Variants in CLDN10 observed in about 807,000 individuals in gnomAD.
The protein encoded by CLDN10 is claudin-10.
CLDN10 carries 15 observed loss-of-function variants against 22.9 expected under a neutral mutation model. That is an observed-to-expected ratio of 0.65 (90% CI 0.44 to 1.01). The LOEUF is 1.01. Among genes scored for constraint, CLDN10 ranks in the 50% least tolerant of loss-of-function variants. CLDN10 has a pLI of 0.00. For synonymous variants in CLDN10, 114 were observed against 111.4 expected (o/e 1.02, Z -0.15); for missense variants, 247 against 287.8 (o/e 0.86, Z 1.03).
intron 1 of CLDN10, chr13:95,434,110 A>G (rs2042239885): frequency 2.8e-6 from 4 of 1,432,282 alleles, no homozygotes; most frequent in South Asian, 2.4e-5. Context: ...ACTGTGCTGA[A>G]GTAGCTGTCT....
chr13:95,479,248 C>T (rs1482063984), intron 1 of CLDN10, among the ~76,000 whole-genome samples: 2 of 151,964 alleles, frequency 1.3e-5, no homozygotes, highest in African/African-American at 4.8e-5. Context: ...ACTTGGGAGG[C>T]TGAGGCAGGG....
At chr13:95,504,908 A>G (rs1391629235) in intron 1 of CLDN10, among the ~76,000 whole-genome samples, 1 of 152,136 alleles carries the variant, frequency 6.6e-6, no homozygotes, top group Non-Finnish European at 1.5e-5. Context: ...TACACTGGAA[A>G]TTCTCACTAA....
rs2138693847 is a variant in CLDN10, at chr13:95,577,355, A to G, written c.572+17A>G. ...AACACCCAGGTATGAAAAAGAGACA[A>G]AAATGACCTGTTAAAAAGTAGAATG... On this transcript the variant is annotated intron_variant, in intron 4 of 4. Transcript: ENST00000299339. 1.4e-6 allele frequency: 2 copies of G among 1,474,218 alleles called. No individual in the cohort carries two copies. The highest frequency in any genetic ancestry group is 1.9e-6 in the Non-Finnish European group (2 of 1,052,508). 91.3% of individuals were successfully genotyped at this position (1,474,218 alleles called of 1,614,324 possible).
chr13:95,539,114 G>C (rs2043433257), intron 1 of CLDN10, among the ~76,000 whole-genome samples: 1 of 152,046 alleles, frequency 6.6e-6, no homozygotes, highest in Non-Finnish European at 1.5e-5. Flanking sequence ...CCCGACCTCA[G>C]GTGATCCACC....
chr13:95,448,719 G>GTATTGTATTTTATTTTATTTTATTT lies in CLDN10; in HGVS notation c.214+14676_214+14677insGTATTTTATTTTATTTTATTTTATT, dbSNP rs2042404501. Among the ~76,000 whole-genome samples, 4 of 144,214 alleles carry GTATTGTATTTTATTTTATTTTATTT rather than the reference G, an allele frequency of 2.8e-5. No homozygotes were observed. In the South Asian group the frequency reaches 9.3e-4, roughly 33 times the overall value. 94.6% of individuals were successfully genotyped at this position (144,214 alleles called of 152,430 possible). On this transcript the variant is annotated intron_variant, in intron 1 of 4. Coordinates refer to the CLDN10 transcript ENST00000376873. The stretch of plus-strand genomic sequence containing the variant: ...CATCATCTTTGTCCACTAAGCCATA[G>GTATTGTATTTTATTTTATTTTATTT]TATTTTATTTTATTTTATTTTATTT...
At chr13:95,498,363 T>C (rs557359789) in intron 1 of CLDN10, among the ~76,000 whole-genome samples, 40 of 152,314 alleles carry the variant, frequency 2.6e-4, no homozygotes, top group Admixed American at 1.4e-3. Context: ...AAGATGTCTA[T>C]GGGCAAAATA....
At chr13:95,559,459 T>C (rs2043677376) in intron 1 of CLDN10, among the ~76,000 whole-genome samples, 1 of 152,236 alleles carries the variant, frequency 6.6e-6, no homozygotes, top group Non-Finnish European at 1.5e-5. Flanking sequence ...ATTACTCTTC[T>C]ACAAAATAGT....
intron 3 of CLDN10, among the ~76,000 whole-genome samples, chr13:95,563,419 A>T (rs898576204): frequency 6.6e-6 from 1 of 152,142 alleles, no homozygotes; most frequent in African/African-American, 2.4e-5. Flanking sequence ...CAATTTACCT[A>T]ATGTAATTAA....
chr13:95,453,716 C>T (rs2042455251), intron 1 of CLDN10, among the ~76,000 whole-genome samples: 9 of 151,568 alleles, frequency 5.9e-5, no homozygotes, highest in Admixed American at 5.9e-4. Context: ...AGAGCAAGCA[C>T]AGAGATTAAA....
At chr13:95,453,480 C>T (rs184527495) in intron 1 of CLDN10, among the ~76,000 whole-genome samples, 29 of 152,018 alleles carry the variant, frequency 1.9e-4, no homozygotes, top group African/African-American at 7.0e-4. Context: ...GTCAGGAGTT[C>T]CAGACCAGCC....
intron 1 of CLDN10, among the ~76,000 whole-genome samples, chr13:95,558,302 C>T (rs932164304): frequency 3.9e-5 from 6 of 152,088 alleles, no homozygotes; most frequent in Non-Finnish European, 5.9e-5. Flanking sequence ...CTGGGGAGCT[C>T]GAGGACTGAA....
intron 1 of CLDN10, among the ~76,000 whole-genome samples, chr13:95,512,657 C>G (rs1367512415): frequency 6.6e-6 from 1 of 152,216 alleles, no homozygotes; most frequent in African/African-American, 2.4e-5. Context: ...CCCCCAGTCA[C>G]CTGGTACTGT....
At chr13:95,498,951 A>G (rs1196304716) in intron 1 of CLDN10, among the ~76,000 whole-genome samples, 1 of 152,134 alleles carries the variant, frequency 6.6e-6, no homozygotes, top group Non-Finnish European at 1.5e-5. Context: ...GACTCTTGAT[A>G]CCTCGTATAA....
At chr13:95,467,364 A>C (rs2042590753) in intron 1 of CLDN10, among the ~76,000 whole-genome samples, 1 of 152,162 alleles carries the variant, frequency 6.6e-6, no homozygotes, top group Non-Finnish European at 1.5e-5. Context: ...TAACATCATC[A>C]AGTATCCAGG....
At chr13:95,563,209 G>GGGGAGA (rs1476892851) in intron 3 of CLDN10, among the ~76,000 whole-genome samples, 39 of 147,648 alleles carry the variant, frequency 2.6e-4, no homozygotes, top group African/African-American at 9.0e-4. Flanking sequence ...AGTTAAGAGA[G>GGGGAGA]GAGAGAGAGA....
intron 1 of CLDN10, among the ~76,000 whole-genome samples, chr13:95,476,932 A>C (rs2042690684): frequency 6.6e-6 from 1 of 152,166 alleles, no homozygotes; most frequent in Non-Finnish European, 1.5e-5. Context: ...GTGTGTGTAC[A>C]GGGTCTTGTG....
At position 95,454,906 on chromosome 13, in the gene CLDN10, GC is replaced by G. The variant is rs142103342; in HGVS notation, c.214+20860del. ...CAAGTCCAGTCAAAACAACATCTTG[GC>G]TGGGCGTGGTGGCTCATGCCTACAA... On this transcript the variant is annotated intron_variant, in intron 1 of 4. Coordinates refer to the CLDN10 transcript ENST00000376873. Among the ~76,000 whole-genome samples, 32 of 152,228 alleles carry G rather than the reference GC, an allele frequency of 2.1e-4. 2 individuals carry two copies. The East Asian group carries it at 6.0e-3, about 29-fold the overall frequency.
At chr13:95,530,855 T>C (rs1467729895) in intron 1 of CLDN10, among the ~76,000 whole-genome samples, 1 of 152,038 alleles carries the variant, frequency 6.6e-6, no homozygotes, top group East Asian at 1.9e-4. Flanking sequence ...GTTCATATAC[T>C]AAGATCCTTC....
At chr13:95,556,631 G>C (rs2043643132) in intron 1 of CLDN10, among the ~76,000 whole-genome samples, 1 of 152,194 alleles carries the variant, frequency 6.6e-6, no homozygotes, top group African/African-American at 2.4e-5. Context: ...GAGCCTCAAA[G>C]AGATTAGGTC....
Sources: gnomAD v4.1 joint callset for allele counts (sites outside exome capture counted in the v4.1 genomes callset) on GRCh38, gnomAD v4.1.1 for gene constraint, MANE v1.5 for transcripts, NCBI Gene and HGNC (gene_info 2026-07-23, HGNC 2026-07-21) for gene names.